Variants in CTNND2 observed in about 807,000 individuals in gnomAD.
The protein encoded by CTNND2 is catenin delta-2.
In CTNND2, 22 loss-of-function variants were observed where a neutral mutation model predicts 144.4. The ratio of observed to expected loss-of-function variants is 0.15; its 90% CI spans 0.11 to 0.22. The LOEUF is 0.22. CTNND2 is among the 10% of genes least tolerant of loss of function. The pLI is 1.00. For missense variants in CTNND2, 1,353 were observed against 1,618.8 expected (o/e 0.84, Z 2.82); for synonymous variants, 751 against 695.6 (o/e 1.08, Z -1.25).
chr5:11,563,949 G>C (rs1776871922), intron 3 of CTNND2, among the ~76,000 whole-genome samples: 1 of 152,150 alleles, frequency 6.6e-6, no homozygotes, highest in Non-Finnish European at 1.5e-5. Flanking sequence ...GCTGACCCCA[G>C]GACTCTGCCC....
intron 1 of CTNND2, among the ~76,000 whole-genome samples, chr5:11,742,027 C>T (rs1027731731): frequency 1.3e-5 from 2 of 150,542 alleles, no homozygotes; most frequent in Admixed American, 6.6e-5. Context: ...AATAATAATA[C>T]AATGGACTTT....
At chr5:11,344,423 T>A (rs1055960185) in intron 9 of CTNND2, among the ~76,000 whole-genome samples, 1 of 152,112 alleles carries the variant, frequency 6.6e-6, no homozygotes, top group African/African-American at 2.4e-5. Context: ...AGACATTCCT[T>A]AATTTTAAGA....
intron 11 of CTNND2, among the ~76,000 whole-genome samples, chr5:11,166,719 C>T (rs1347720112): frequency 6.6e-6 from 1 of 151,942 alleles, no homozygotes; most frequent in African/African-American, 2.4e-5. Context: ...CCCAGGACGC[C>T]CTGAAGTCCT....
chr5:11,366,691 AAC>A (rs1491014345), intron 7 of CTNND2, among the ~76,000 whole-genome samples: 1 of 150,930 alleles, frequency 6.6e-6, no homozygotes, highest in African/African-American at 2.5e-5. Context: ...AAAAAAAAAA[AAC>A]AGTCATCACA....
intron 11 of CTNND2, among the ~76,000 whole-genome samples, chr5:11,171,909 A>G (rs1759962382): frequency 6.6e-6 from 1 of 152,238 alleles, no homozygotes; most frequent in South Asian, 2.1e-4. Flanking sequence ...ACAATCCTAA[A>G]GACCGTGGGC....
At chr5:11,146,623 T>C (rs995291705) in intron 12 of CTNND2, among the ~76,000 whole-genome samples, 3 of 152,240 alleles carry the variant, frequency 2.0e-5, no homozygotes, top group East Asian at 3.8e-4. Flanking sequence ...TATTTATTGA[T>C]TTCTTAACGG....
intron 3 of CTNND2, among the ~76,000 whole-genome samples, chr5:11,456,128 A>G (rs1765712189): frequency 1.3e-5 from 2 of 152,148 alleles, no homozygotes; most frequent in African/African-American, 4.8e-5. Flanking sequence ...ACTTGGGCCA[A>G]TATCTACATA....
chr5:11,124,286 C>A (rs56387580), intron 12 of CTNND2, among the ~76,000 whole-genome samples: 1 of 151,914 alleles, frequency 6.6e-6, no homozygotes, highest in Non-Finnish European at 1.5e-5. Context: ...ATTAATTACA[C>A]GTAAAAATGC....
intron 15 of CTNND2, among the ~76,000 whole-genome samples, chr5:11,085,460 A>G (rs1580241902): frequency 6.6e-6 from 1 of 152,180 alleles, no homozygotes; most frequent in East Asian, 1.9e-4. Context: ...GTCTAATTGG[A>G]ATTTCTCGCT....
Position 11,111,049 on chromosome 5 carries a change from G to GA in CTNND2, c.2278-7dup, listed in dbSNP as rs770214321. ...CACACACAGTTTTCAACGGTCTGCA[G>GA]AAAAGGGGGAAACAGAGGAAAGAAT... On this transcript the variant is annotated splice_polypyrimidine_tract_variant and splice_region_variant and intron_variant, in intron 13 of 21. Transcript: ENST00000304623. 1 of 1,610,282 alleles carries GA rather than the reference G, an allele frequency of 6.2e-7. No homozygotes were observed.
intron 9 of CTNND2, 47 bp from the exon 10 acceptor site, chr5:11,236,870 C>T (rs1277604623): frequency 1.2e-6 from 2 of 1,605,320 alleles, no homozygotes; most frequent in Non-Finnish European, 1.7e-6. Flanking sequence ...AGAAATCCTA[C>T]CACACTGTTA....
chr5:11,140,820 T>C (rs975309271), intron 12 of CTNND2, among the ~76,000 whole-genome samples: 1 of 152,234 alleles, frequency 6.6e-6, no homozygotes, highest in Non-Finnish European at 1.5e-5. Context: ...TCTAGATTTA[T>C]TAAAAAAACA....
intron 3 of CTNND2, among the ~76,000 whole-genome samples, chr5:11,476,050 TTG>T (rs1433340302): frequency 6.6e-6 from 1 of 151,518 alleles, no homozygotes; most frequent in Non-Finnish European, 1.5e-5. Context: ...TTTTTTTTTT[TTG>T]TAGAGATGGG....
At chr5:11,279,665 T>C (rs1245682807) in intron 9 of CTNND2, among the ~76,000 whole-genome samples, 2 of 152,168 alleles carry the variant, frequency 1.3e-5, no homozygotes, top group Non-Finnish European at 2.9e-5. Context: ...CTGGGTAATT[T>C]ATAAGAAAAG....
At chr5:11,529,597 G>A (rs1488333732) in intron 3 of CTNND2, among the ~76,000 whole-genome samples, 2 of 152,202 alleles carry the variant, frequency 1.3e-5, no homozygotes, top group Non-Finnish European at 2.9e-5. Context: ...AACTGGTTTT[G>A]TAGTTTCCTA....
chr5:11,734,339 C>A (rs1787558847), intron 1 of CTNND2, among the ~76,000 whole-genome samples: 1 of 152,050 alleles, frequency 6.6e-6, no homozygotes, highest in Admixed American at 6.6e-5. Flanking sequence ...AATTGTAGCT[C>A]CCAAAATCCC....
intron 2 of CTNND2, among the ~76,000 whole-genome samples, chr5:11,666,049 A>C (rs978045231): frequency 6.6e-6 from 1 of 152,236 alleles, no homozygotes; most frequent in African/African-American, 2.4e-5. Flanking sequence ...TTTTTTAAAC[A>C]AGATGAATGT....
intron 3 of CTNND2, among the ~76,000 whole-genome samples, chr5:11,464,353 G>A (rs988214706): frequency 1.3e-5 from 2 of 152,166 alleles, no homozygotes; most frequent in Admixed American, 1.3e-4. Flanking sequence ...GAGGTACTAA[G>A]GCATGGTGAT....
chr5:11,350,242 C>T (rs901797913), intron 8 of CTNND2, among the ~76,000 whole-genome samples: 9 of 152,028 alleles, frequency 5.9e-5, no homozygotes, highest in Non-Finnish European at 7.4e-5. Context: ...AAACATATTA[C>T]GAGTCGGTAT....
Sources: gnomAD v4.1 joint callset for allele counts (sites outside exome capture counted in the v4.1 genomes callset) on GRCh38, gnomAD v4.1.1 for gene constraint, MANE v1.5 for transcripts, NCBI Gene and HGNC (gene_info 2026-07-23, HGNC 2026-07-21) for gene names.